Variants in NRXN1 observed in about 807,000 individuals in gnomAD.
The protein encoded by NRXN1 is neurexin-1.
In NRXN1, 39 loss-of-function variants were observed where a neutral mutation model predicts 150.9. The ratio of observed to expected loss-of-function variants is 0.26; its 90% CI spans 0.20 to 0.34. The LOEUF (loss-of-function observed/expected upper bound fraction) is 0.34. Among genes scored for constraint, NRXN1 ranks in the 10% least tolerant of loss-of-function variants. The pLI is 1.00. For synonymous variants in NRXN1, 924 were observed against 757.0 expected, an observed-to-expected ratio of 1.22 and a Z score of -3.62; for missense variants, 1,815 against 1,949.9, an observed-to-expected ratio of 0.93 and a Z score of 1.30.
At chr2:50,239,147 T>C (rs1347778815) in intron 17 of NRXN1, among the ~76,000 whole-genome samples, 1 of 151,860 alleles carries the variant, frequency 6.6e-6, no homozygotes, top group Non-Finnish European at 1.5e-5. Flanking sequence ...TTTTTCTGCC[T>C]GGTAATTTTT....
chr2:50,643,211 A>G (rs922742674), intron 5 of NRXN1, among the ~76,000 whole-genome samples: 6 of 151,962 alleles, frequency 3.9e-5, no homozygotes, highest in African/African-American at 1.4e-4. Context: ...CCAGAATCAC[A>G]AGAGACAAAC....
chr2:50,002,504 T>C (rs1558669892), intron 21 of NRXN1, among the ~76,000 whole-genome samples: 1 of 152,150 alleles, frequency 6.6e-6, no homozygotes, highest in Non-Finnish European at 1.5e-5. Context: ...GATAGTTGTT[T>C]TTCCAGCTTC....
chr2:50,329,653 ATATATATATATATATATATATT>A (rs1482030912), intron 17 of NRXN1, among the ~76,000 whole-genome samples: 353 of 13,758 alleles, frequency 0.026, 23 homozygotes, highest in South Asian at 0.083. Flanking sequence ...ATATATATAT[ATATATATATATATATATATATT>A]TTTTTTTTTC....
chr2:50,783,214 C>T (rs1201279626), intron 5 of NRXN1, among the ~76,000 whole-genome samples: 3 of 152,044 alleles, frequency 2.0e-5, no homozygotes, highest in Admixed American at 6.6e-5. Context: ...AACTTGAATT[C>T]CAGCCAAGTG....
chr2:50,173,474 T>A (rs576800413), intron 18 of NRXN1, among the ~76,000 whole-genome samples: 147 of 152,226 alleles, frequency 9.7e-4, no homozygotes, highest in Non-Finnish European at 1.9e-3. Flanking sequence ...GAGTACAGTA[T>A]CCAAAACTAG....
At chr2:49,995,589 G>C (rs1682805468) in intron 21 of NRXN1, among the ~76,000 whole-genome samples, 1 of 151,462 alleles carries the variant, frequency 6.6e-6, no homozygotes, top group African/African-American at 2.4e-5. Context: ...ACACCATCCT[G>C]GCTAACATGG....
intron 5 of NRXN1, among the ~76,000 whole-genome samples, chr2:50,659,520 T>C (rs1176882103): frequency 1.3e-5 from 2 of 151,928 alleles, no homozygotes; most frequent in Admixed American, 6.6e-5. Context: ...TGAATCCTAC[T>C]TAAAAATCAT....
At chr2:50,165,127 TGGG>T (rs2059596410) in intron 18 of NRXN1, among the ~76,000 whole-genome samples, 1 of 152,072 alleles carries the variant, frequency 6.6e-6, no homozygotes, top group African/African-American at 2.4e-5. Flanking sequence ...AAGACCTCAA[TGGG>T]TAACTGACCT....
intron 21 of NRXN1, chr2:49,973,742 G>C (rs1186740301): frequency 1.9e-6 from 1 of 538,464 alleles, no homozygotes; most frequent in Non-Finnish European, 3.3e-6. Flanking sequence ...AGGGTTTAAG[G>C]ACATTTTAAA....
In NRXN1 at chr2:50,218,046, C is replaced by A. The variant is rs188882998; in HGVS notation, c.3546+18743G>T. On this transcript the variant is annotated intron_variant, in intron 18 of 22. Transcript: ENST00000401669. ...TCTCCCATACATACCTGAACTACCT[C>A]CTCTGCAAAGGTGCTCCTGAGGCAT... Among the ~76,000 whole-genome samples the A allele has an allele frequency of 2.0e-3, 309 of 152,170 alleles. 6 individuals carry two copies. The highest frequency in any genetic ancestry group is 0.02 in the Admixed American group (307 of 15,256).
At chr2:50,922,857 G>A (rs1354873291) in intron 3 of NRXN1, among the ~76,000 whole-genome samples, 170 bp from the exon 4 acceptor site, 1 of 151,824 alleles carries the variant, frequency 6.6e-6, no homozygotes, top group African/African-American at 2.4e-5. Context: ...GGAATGCTTT[G>A]GGGCAAAGTG....
intron 5 of NRXN1, among the ~76,000 whole-genome samples, chr2:50,707,217 G>A (rs1410537741): frequency 6.6e-6 from 1 of 152,148 alleles, no homozygotes; most frequent in Non-Finnish European, 1.5e-5. Context: ...ACAGTGGAAT[G>A]ATAAGTGATG....
At chr2:50,737,824 C>T (rs1226320922) in intron 5 of NRXN1, among the ~76,000 whole-genome samples, 1 of 152,004 alleles carries the variant, frequency 6.6e-6, no homozygotes, top group Non-Finnish European at 1.5e-5. Context: ...CACCCACCAC[C>T]AGTAGCCCAA....
chr2:51,025,769 A>T (rs924818585), intron 2 of NRXN1, among the ~76,000 whole-genome samples: 2 of 152,198 alleles, frequency 1.3e-5, no homozygotes, highest in Non-Finnish European at 2.9e-5. Context: ...AGAAGAAAAA[A>T]ACTATCTTTT....
chr2:50,175,818 C>G (rs770221398), intron 18 of NRXN1, among the ~76,000 whole-genome samples: 15 of 152,128 alleles, frequency 9.9e-5, no homozygotes, highest in Non-Finnish European at 1.8e-4. Context: ...ACAAGGTTCC[C>G]TTTCTGAGCT....
intron 2 of NRXN1, among the ~76,000 whole-genome samples, chr2:50,936,787 T>C (rs1273648593): frequency 1.3e-5 from 2 of 152,098 alleles, no homozygotes; most frequent in Admixed American, 6.6e-5. Flanking sequence ...TAACTTTAAA[T>C]AGGCCTAATA....
At chr2:50,795,839 A>G (rs182316376) in intron 5 of NRXN1, among the ~76,000 whole-genome samples, 1 of 149,152 alleles carries the variant, frequency 6.7e-6, no homozygotes, top group Admixed American at 6.7e-5. Flanking sequence ...TGTTACATGC[A>G]TTTTTTTTTT....
rs572758508 is a variant in NRXN1 at position 50,187,954 on chromosome 2, G to A, written c.3546+48835C>T. ...TTTTGTATCCTGAGACTTTGCTGAA[G>A]TTGCTTATTAAGGAGATTTTGAGCT... On this transcript the variant is annotated intron_variant, in intron 18 of 22. Transcript: ENST00000401669. Among the ~76,000 whole-genome samples, 4 of 152,208 alleles carry A rather than the reference G, an allele frequency of 2.6e-5. No individual in the cohort carries two copies. In the East Asian group the frequency reaches 7.7e-4, roughly 29 times the overall value.
intron 18 of NRXN1, among the ~76,000 whole-genome samples, chr2:50,212,887 T>C (rs1381305425): frequency 6.6e-6 from 1 of 151,948 alleles, no homozygotes. Flanking sequence ...GTCATTATGA[T>C]TGCAAAGTGG....
Sources: gnomAD v4.1 joint callset for allele counts (sites outside exome capture counted in the v4.1 genomes callset) on GRCh38, gnomAD v4.1.1 for gene constraint, MANE v1.5 for transcripts, NCBI Gene and HGNC (gene_info 2026-07-23, HGNC 2026-07-21) for gene names.